Variants in MYLK observed in about 807,000 individuals in gnomAD.
MYLK encodes myosin light chain kinase, also known as myosin light chain kinase, smooth muscle.
Under a neutral mutation model 203.4 loss-of-function variants are expected in MYLK, and 106 were observed. The observed-to-expected ratio is 0.52, with a 90% CI of 0.45 to 0.61. The LOEUF is 0.61. Ranked by LOEUF, MYLK falls within the 20% of genes least tolerant of loss-of-function variation. The pLI, the probability that MYLK is intolerant of heterozygous loss-of-function variation, is 0.00. For missense variants in MYLK, 2,072 were observed against 2,442.3 expected, an observed-to-expected ratio of 0.85 and a Z score of 3.20; for synonymous variants, 867 against 959.5, an observed-to-expected ratio of 0.90 and a Z score of 1.78.
At chr3:123,763,511 C>G (rs1377379288) in intron 4 of MYLK, among the ~76,000 whole-genome samples, 3 of 152,226 alleles carry the variant, frequency 2.0e-5, no homozygotes, top group Non-Finnish European at 4.4e-5. Context: ...TATCCACATT[C>G]TACCTTTATA....
chr3:123,796,958 T>A lies in MYLK; in HGVS notation c.-3-3114A>T, dbSNP rs2065008844. On this transcript the variant is annotated intron_variant, in intron 3 of 33. Transcript: ENST00000360304. ...TCAGAGATACAGCCCAAAATTTATTTATAAGAACACTATTTGCATTATTTA... is the reference window on the plus strand; with the variant it reads ...TCAGAGATACAGCCCAAAATTTATTAATAAGAACACTATTTGCATTATTTA... 3.3e-5 allele frequency among the ~76,000 whole-genome samples: 5 copies of A among 152,334 alleles called. No individual in the cohort carries two copies. The South Asian group carries it at 1.0e-3, about 32-fold the overall frequency.
intron 1 of MYLK, among the ~76,000 whole-genome samples, chr3:123,883,395 G>A (rs1426162123): frequency 6.6e-6 from 1 of 151,926 alleles, no homozygotes; most frequent in Non-Finnish European, 1.5e-5. Context: ...TTCTCCTTCT[G>A]GCTACGAAAT....
chr3:123,661,428 C>G (rs1252071678), intron 23 of MYLK, among the ~76,000 whole-genome samples: 1 of 152,034 alleles, frequency 6.6e-6, no homozygotes, highest in African/African-American at 2.4e-5. Context: ...TCACTAGCAC[C>G]AAGCCTCCAC....
intron 29 of MYLK, among the ~76,000 whole-genome samples, chr3:123,632,800 T>C (rs954671599): frequency 1.4e-5 from 2 of 138,976 alleles, no homozygotes; most frequent in Non-Finnish European, 2.9e-5. Flanking sequence ...GGATCATGTC[T>C]TTTAATTTTT....
intron 5 of MYLK, among the ~76,000 whole-genome samples, chr3:123,740,631 C>T (rs531891415): frequency 2.6e-4 from 39 of 152,322 alleles, no homozygotes; most frequent in African/African-American, 9.1e-4. Flanking sequence ...CACTGCCAGT[C>T]CTGGGCAAGG....
chr3:123,865,811 A>T (rs1297878782), intron 2 of MYLK, among the ~76,000 whole-genome samples: 1 of 152,210 alleles, frequency 6.6e-6, no homozygotes, highest in Non-Finnish European at 1.5e-5. Context: ...TTTGATCAAC[A>T]GAGTACGGCA....
At chr3:123,690,512 T>C (rs33265) in intron 19 of MYLK, among the ~76,000 whole-genome samples, 145,401 of 152,150 alleles carry the variant, frequency 0.96, 69,851 homozygotes, top group East Asian at 1. Flanking sequence ...GGGCAGGAGA[T>C]GTAGCCTAGC....
chr3:123,663,809 G>A lies in MYLK; in HGVS notation c.3985+296C>T, dbSNP rs2059644866. 2.6e-5 allele frequency among the ~76,000 whole-genome samples: 4 copies of A among 152,280 alleles called. No homozygotes were observed. In the South Asian group the frequency reaches 8.3e-4, roughly 32 times the overall value. On this transcript the variant is annotated intron_variant, in intron 23 of 33. Coordinates refer to ENST00000360304, the MANE Select transcript of MYLK (RefSeq NM_053025.4). ...TGTCTCTTATTTCTCAAATAAGCTA[G>A]ATGCCAAGGCCTGAGGGCGGGGAAC...
chr3:123,689,051 C>G (rs780427936), intron 19 of MYLK, among the ~76,000 whole-genome samples: 1 of 152,134 alleles, frequency 6.6e-6, no homozygotes, highest in Non-Finnish European at 1.5e-5. Context: ...AGTGGGCACT[C>G]AGATATTAGT....
intron 5 of MYLK, among the ~76,000 whole-genome samples, chr3:123,747,975 C>T (rs1241836967): frequency 6.6e-6 from 1 of 152,222 alleles, no homozygotes; most frequent in Non-Finnish European, 1.5e-5. Context: ...CCCAGGACTA[C>T]TCACCACCTG....
At chr3:123,820,639 CTTCCCTCCTTCCT>C (rs2065896858) in intron 3 of MYLK, among the ~76,000 whole-genome samples, 1 of 122,716 alleles carries the variant, frequency 8.1e-6, no homozygotes, top group Non-Finnish European at 1.8e-5. Flanking sequence ...TCCTTCCTTC[CTTCCCTCCTTCCT>C]TCCTTCCTTC....
In MYLK at chr3:123,733,140, C is replaced by T. The variant is rs769214336; in HGVS notation, c.1310-38G>A. The stretch of plus-strand genomic sequence containing the variant: ...GTAAAGAACGTGAGCTCCCTATGCC[C>T]TGGAGAGCACCCTGTGATTGTGAGG... On this transcript the variant is annotated intron_variant, in intron 10 of 33. Coordinates refer to ENST00000360304, the MANE Select transcript of MYLK (RefSeq NM_053025.4). 5.0e-6 allele frequency: 8 copies of T among 1,594,592 alleles called. No individual in the cohort carries two copies. In the South Asian group the frequency reaches 5.6e-5, roughly 11 times the overall value.
At chr3:123,653,722 C>T (rs6800971) in intron 24 of MYLK, among the ~76,000 whole-genome samples, 13,955 of 152,104 alleles carry the variant, frequency 0.092, 1,474 homozygotes, top group East Asian at 0.32. Context: ...TGTCCTAGAC[C>T]CCTGGGGGCC....
intron 3 of MYLK, among the ~76,000 whole-genome samples, chr3:123,796,994 T>C (rs993207003): frequency 6.6e-6 from 1 of 152,200 alleles, no homozygotes; most frequent in Non-Finnish European, 1.5e-5. Context: ...GGACAGAAGA[T>C]AGACTATATT....
intron 16 of MYLK, among the ~76,000 whole-genome samples, chr3:123,704,695 A>G (rs1034603959): frequency 6.8e-6 from 1 of 147,450 alleles, no homozygotes; most frequent in African/African-American, 2.5e-5. Flanking sequence ...TGAGGTCAGG[A>G]GATTGAGACC....
intron 2 of MYLK, among the ~76,000 whole-genome samples, chr3:123,836,619 T>C (rs867166718): frequency 6.6e-5 from 10 of 152,206 alleles, no homozygotes; most frequent in African/African-American, 2.2e-4. Context: ...TGTGGATTTC[T>C]TAGTGAACCT....
intron 5 of MYLK, among the ~76,000 whole-genome samples, chr3:123,748,939 C>G (rs1460688860): frequency 6.6e-6 from 1 of 152,104 alleles, no homozygotes; most frequent in Non-Finnish European, 1.5e-5. Context: ...CGTGATGGCA[C>G]ACGCCTGTAA....
chr3:123,756,232 C>A (rs907988341), intron 4 of MYLK, among the ~76,000 whole-genome samples: 2 of 152,002 alleles, frequency 1.3e-5, no homozygotes, highest in African/African-American at 4.9e-5. Context: ...GCGTCTATCT[C>A]CAAGAGACCC....
intron 4 of MYLK, among the ~76,000 whole-genome samples, chr3:123,763,280 TTCTCCTTTAGAGATAACC>T (rs2063592366): frequency 6.6e-6 from 1 of 152,232 alleles, no homozygotes; most frequent in Admixed American, 6.5e-5. Context: ...TGTTATTTTT[TTCTCCTTTAGAGATAACC>T]CTCCCGGAAC....
Sources: allele counts gnomAD v4.1 joint callset (sites outside exome capture counted in the v4.1 genomes callset), GRCh38; gene constraint gnomAD v4.1.1; transcripts MANE v1.5; gene names NCBI Gene and HGNC (gene_info 2026-07-23, HGNC 2026-07-21).